The following VGLL4 variants were observed in gnomAD, a reference collection of about 807,000 sequenced individuals.
The protein encoded by VGLL4 is vestigial like family member 4.
In VGLL4, 7 loss-of-function variants were observed where a neutral mutation model predicts 21.0. That is an observed-to-expected ratio of 0.33 (90% CI 0.19 to 0.63). The LOEUF (loss-of-function observed/expected upper bound fraction) is 0.63, where lower values mean the gene tolerates loss of function less well. VGLL4 is among the 20% of genes least tolerant of loss of function. VGLL4 has a pLI of 0.78. For missense variants in VGLL4, 394 were observed against 425.7 expected (o/e 0.93, Z 0.66); for synonymous variants, 222 against 173.2 (o/e 1.28, Z -2.21).
intron 1 of VGLL4, among the ~76,000 whole-genome samples, chr3:11,615,027 T>C (rs2075135818): frequency 6.6e-6 from 1 of 152,224 alleles, no homozygotes; most frequent in South Asian, 2.1e-4. Flanking sequence ...ATACACGTTT[T>C]CTTGCTGTGA....
intron 2 of VGLL4, among the ~76,000 whole-genome samples, chr3:11,680,927 C>T (rs1475204328): frequency 1.3e-5 from 2 of 152,172 alleles, no homozygotes; most frequent in Non-Finnish European, 2.9e-5. Flanking sequence ...GAATCCCCGC[C>T]GTGAAGCTGC....
At chr3:11,627,756 A>G (rs1055733540) in intron 1 of VGLL4, among the ~76,000 whole-genome samples, 1 of 152,234 alleles carries the variant, frequency 6.6e-6, no homozygotes, top group African/African-American at 2.4e-5. Flanking sequence ...AGACAATAAA[A>G]TACAAAGTGA....
In VGLL4 at chr3:11,556,467, C is replaced by G. The variant is rs774018935; in HGVS notation, c.*2089G>C. 1 of 152,704 alleles carries G rather than the reference C, an allele frequency of 6.5e-6. No homozygotes were observed. The highest frequency in any genetic ancestry group is 1.5e-5 in the Non-Finnish European group (1 of 68,040). The allele number at this position is 152,704 out of a possible 1,614,324, so 9.5% of individuals were successfully genotyped here. On this transcript the variant is annotated 3_prime_UTR_variant, in exon 5 of 5. Transcript: ENST00000430365. ...GTCCCAGGAGTGTCCTCCACCGAGC[C>G]GGTCAGCTGTGGGTGGTTTTCCTGT...
upstream of VGLL4, among the ~76,000 whole-genome samples, chr3:11,645,199 AAAC>A (rs1297956679): frequency 3.9e-3 from 543 of 137,586 alleles, 8 homozygotes; most frequent in African/African-American, 0.015. Context: ...GAAAAAAAAA[AAAC>A]AAAAACTAAA....
At chr3:11,593,208 T>C (rs1201206822) in intron 2 of VGLL4, among the ~76,000 whole-genome samples, 1 of 152,318 alleles carries the variant, frequency 6.6e-6, no homozygotes, top group East Asian at 1.9e-4. Flanking sequence ...CTGGTCCATA[T>C]ACATCCAAAC....
rs1465933115 is a variant in VGLL4, at chr3:11,719,799, C to G, written c.-14+595G>C. Among the ~76,000 whole-genome samples the G allele has an allele frequency of 1.3e-5, 2 of 152,040 alleles. No individual in the cohort carries two copies. The highest frequency in any genetic ancestry group is 2.9e-5 in the Non-Finnish European group (2 of 67,994). The stretch of plus-strand genomic sequence containing the variant: ...CAGGGAGAGGCCGCTTTCCCTCCCC[C>G]GCCAGCTGCGCGCCCGGTGCCAGCT... On this transcript the variant is annotated intron_variant, in intron 1 of 5. Transcript: ENST00000273038. The surrounding 1 kb of genome is among the most constrained non-coding windows in gnomAD (Gnocchi z 4.0).
At chr3:11,690,111 C>A (rs1016233349) in intron 2 of VGLL4, among the ~76,000 whole-genome samples, 1 of 125,300 alleles carries the variant, frequency 8.0e-6, no homozygotes, top group Non-Finnish European at 2.0e-5. Flanking sequence ...CTCTAGGGCC[C>A]CTTCCTGTTG....
chr3:11,659,309 C>CTTTTCT (rs1180852395), intron 2 of VGLL4, among the ~76,000 whole-genome samples: 1 of 130,602 alleles, frequency 7.7e-6, no homozygotes, highest in African/African-American at 2.9e-5. Context: ...TTTCTGTTTT[C>CTTTTCT]TTTTCTTTTT....
At chr3:11,643,354 C>A in intron 1 of VGLL4, 83 bp downstream of exon 1, 1 of 1,604,844 alleles carries the variant, frequency 6.2e-7, no homozygotes, top group South Asian at 1.1e-5. Flanking sequence ...GGACAGCGGG[C>A]GCTTAGAAGG....
intron 1 of VGLL4, among the ~76,000 whole-genome samples, chr3:11,620,367 T>A (rs541287867): frequency 1.3e-5 from 2 of 152,076 alleles, no homozygotes; most frequent in Middle Eastern, 3.4e-3. Context: ...TCCTGCAAGG[T>A]CGGCACAGCC....
At chr3:11,693,161 AC>A in intron 2 of VGLL4, 1 of 202,708 alleles carries the variant, frequency 4.9e-6, no homozygotes, top group Non-Finnish European at 1.1e-5. Flanking sequence ...ACAGAGCAAG[AC>A]CCTGTCTCAA....
At chr3:11,573,135 C>T (rs896843012) in intron 2 of VGLL4, among the ~76,000 whole-genome samples, 44 of 151,442 alleles carry the variant, frequency 2.9e-4, no homozygotes, top group African/African-American at 8.7e-4. Flanking sequence ...CATTGCACTC[C>T]AACCTGGGTG....
rs1239470725 is a variant in VGLL4, at chr3:11,621,016, ACC to A, written c.83-18996_83-18995del. ...CTGGCACTCAGGTGTTCTCTGAATG[ACC>A]GATAGGTGCCATTAGTAAGATTTAT... On this transcript the variant is annotated intron_variant, in intron 1 of 4. Coordinates refer to ENST00000430365, the MANE Select transcript of VGLL4 (RefSeq NM_001128219.3). Among the ~76,000 whole-genome samples the A allele has an allele frequency of 5.3e-5, 8 of 152,302 alleles. No homozygotes were observed. The South Asian group carries it at 8.3e-4, about 16-fold the overall frequency.
At chr3:11,654,365 G>A (rs1050738012) in intron 2 of VGLL4, among the ~76,000 whole-genome samples, 16 of 152,072 alleles carry the variant, frequency 1.1e-4, no homozygotes, top group Non-Finnish European at 1.8e-4. Context: ...GCGACAATGC[G>A]GAGATGAGGA....
chr3:11,652,164 G>A (rs972044496), intron 2 of VGLL4, among the ~76,000 whole-genome samples: 1 of 152,092 alleles, frequency 6.6e-6, no homozygotes, highest in African/African-American at 2.4e-5. Context: ...TTTTGAAAAA[G>A]CAAACTGCAG....
chr3:11,592,631 A>C (rs955525870), intron 2 of VGLL4, among the ~76,000 whole-genome samples: 1 of 152,194 alleles, frequency 6.6e-6, no homozygotes, highest in African/African-American at 2.4e-5. Flanking sequence ...CCAGTATCGA[A>C]TGATTCATCG....
chr3:11,646,164 T>C (rs1217403305), upstream of VGLL4, among the ~76,000 whole-genome samples: 1 of 152,202 alleles, frequency 6.6e-6, no homozygotes, highest in Middle Eastern at 3.2e-3. Flanking sequence ...GTGAAAGATA[T>C]GTATCCTATC....
chr3:11,558,042 G>A lies in VGLL4; in HGVS notation c.*514C>T, dbSNP rs896335258. On this transcript the variant is annotated 3_prime_UTR_variant, in exon 5 of 5. Coordinates refer to ENST00000430365, the MANE Select transcript of VGLL4 (RefSeq NM_001128219.3). The stretch of plus-strand genomic sequence containing the variant: ...TCAGAGTTCTGGCATAACACATAAA[G>A]TTGTCAGGCAACTTTAGTCCTCCTC... 1 of 157,852 alleles carries A rather than the reference G, an allele frequency of 6.3e-6. No homozygotes were observed. Among genetic ancestry groups the A allele is most frequent in the Non-Finnish European group, 1.4e-5 (1 of 71,328 alleles). 9.8% of individuals were successfully genotyped at this position (157,852 alleles called of 1,614,324 possible).
intron 1 of VGLL4, among the ~76,000 whole-genome samples, chr3:11,613,376 G>A (rs1028958335): frequency 1.3e-5 from 2 of 152,016 alleles, no homozygotes; most frequent in Non-Finnish European, 2.9e-5. Flanking sequence ...TCACTAGAGG[G>A]GGAAAAAAGA....
Sources: gnomAD v4.1 joint callset for allele counts (sites outside exome capture counted in the v4.1 genomes callset) on GRCh38, gnomAD v4.1.1 for gene constraint, Gnocchi (gnomAD v3.1) non-coding constraint, MANE v1.5 for transcripts, NCBI Gene and HGNC (gene_info 2026-07-23, HGNC 2026-07-21) for gene names.